The following BMF variants were observed in gnomAD, a reference collection of about 807,000 sequenced individuals.
The protein encoded by BMF is Bcl2 modifying factor.
Under a neutral mutation model 22.0 loss-of-function variants are expected in BMF, and 10 were observed. The ratio of observed to expected loss-of-function variants is 0.45; its 90% confidence interval spans 0.28 to 0.77. The LOEUF (loss-of-function observed/expected upper bound fraction) is 0.77, where lower values mean the gene tolerates loss of function less well. BMF is among the 30% of genes least tolerant of loss of function. BMF has a pLI of 0.13. For missense variants in BMF, 206 were observed against 226.8 expected, an observed-to-expected ratio of 0.91 and a Z score of 0.59; for synonymous variants, 87 against 88.1, an observed-to-expected ratio of 0.99 and a Z score of 0.07.
Position 40,091,004 on chromosome 15 carries a change from C to A in BMF, c.*783G>T, listed in dbSNP as rs1164153175. 9 of 152,686 alleles carry A rather than the reference C, an allele frequency of 5.9e-5. No homozygotes were observed. The allele number at this position is 152,686 out of a possible 1,614,324, so 9.5% of individuals were successfully genotyped here. On this transcript the variant is annotated 3_prime_UTR_variant, in exon 5 of 5. Transcript: ENST00000354670. Reference sequence around the variant, plus strand: ...CGGCTCATCCGTGGCTGACACCCAGCTGGTCCCAGGCCGCCAGTGGTGGCA... The same window carrying A: ...CGGCTCATCCGTGGCTGACACCCAGATGGTCCCAGGCCGCCAGTGGTGGCA...
chr15:40,101,402 G>C (rs947287844), intron 4 of BMF, among the ~76,000 whole-genome samples: 30 of 152,224 alleles, frequency 2.0e-4, no homozygotes, highest in African/African-American at 7.2e-4. Context: ...GTGAAGTCAA[G>C]TGACTTCCTG....
chr15:40,091,408 T>A lies in BMF; in HGVS notation c.*379A>T, dbSNP rs2036227940. 1 of 169,890 alleles carries A rather than the reference T, an allele frequency of 5.9e-6. No individual in the cohort carries two copies. The highest frequency in any genetic ancestry group is 1.7e-4 in the South Asian group (1 of 6,048). The allele number at this position is 169,890 out of a possible 1,614,324, so 10.5% of individuals were successfully genotyped here. ...ACTGGGAGTCTAATCCACTCTCGAT[T>A]TCTTAACTGAGTTCCTCTGGAAAAA... is the stretch of plus-strand genomic sequence containing the variant. On this transcript the variant is annotated 3_prime_UTR_variant, in exon 5 of 5. Coordinates refer to ENST00000354670, the MANE Select transcript of BMF (RefSeq NM_001003940.2).
At chr15:40,092,792 G>C (rs1040916388) in intron 4 of BMF, among the ~76,000 whole-genome samples, 4 of 152,164 alleles carry the variant, frequency 2.6e-5, no homozygotes, top group South Asian at 2.1e-4. Context: ...GCCTGGGGGG[G>C]TGGAAACTGG....
chr15:40,100,991 G>T (rs1468155489), intron 4 of BMF, among the ~76,000 whole-genome samples: 1 of 152,160 alleles, frequency 6.6e-6, no homozygotes, highest in African/African-American at 2.4e-5. Flanking sequence ...TGACGGTCAG[G>T]CCTCCTCAAG....
intron 4 of BMF, among the ~76,000 whole-genome samples, chr15:40,100,809 G>A (rs1269256578): frequency 1.3e-5 from 2 of 152,150 alleles, no homozygotes; most frequent in Non-Finnish European, 2.9e-5. Flanking sequence ...GCATCAGCAC[G>A]CCCCCTCCCT....
chr15:40,097,173 ACCCAAC>A (rs2036379609), intron 4 of BMF, among the ~76,000 whole-genome samples: 1 of 590 alleles, frequency 1.7e-3, no homozygotes, highest in South Asian at 0.062. Flanking sequence ...GCTATCAAGC[ACCCAAC>A]TGAGCTACCA....
At chr15:40,101,275 C>G (rs1426676285) in intron 4 of BMF, among the ~76,000 whole-genome samples, 1 of 152,184 alleles carries the variant, frequency 6.6e-6, no homozygotes, top group African/African-American at 2.4e-5. Flanking sequence ...AAGAAGGAAA[C>G]AGGCATTAAA....
chr15:40,106,652 C>T lies in BMF; in HGVS notation c.-5-561G>A, dbSNP rs982761994. 5.2e-5 allele frequency: 8 copies of T among 152,482 alleles called. No homozygotes were observed. Among genetic ancestry groups the T allele is most frequent in the Admixed American group, 5.2e-4 (8 of 15,282 alleles). The allele number at this position is 152,482 out of a possible 1,614,324, so 9.4% of individuals were successfully genotyped here. A position where few individuals can be genotyped will look rare whatever the true frequency, so the allele number is the denominator to read the frequency against. ...CCAGCAATCCTAGGACAGCCAGGTT[C>T]CCTCCAAACCTCTAAGCCCCGCCCT... On this transcript the variant is annotated intron_variant, in intron 2 of 4. Coordinates refer to ENST00000354670, the MANE Select transcript of BMF (RefSeq NM_001003940.2). This position sits in a 1 kb window ranked among gnomAD's most constrained non-coding sequence, Gnocchi z 4.1.
intron 4 of BMF, among the ~76,000 whole-genome samples, chr15:40,093,431 G>T (rs1162142643): frequency 6.6e-6 from 1 of 152,206 alleles, no homozygotes; most frequent in Non-Finnish European, 1.5e-5. Flanking sequence ...GGAGATGGAT[G>T]GCTTCCTCGT....
chr15:40,098,629 C>A (rs982583596), intron 4 of BMF, among the ~76,000 whole-genome samples: 2 of 152,194 alleles, frequency 1.3e-5, no homozygotes, highest in African/African-American at 4.8e-5. Context: ...CCTTCACACA[C>A]GGACTGATTG....
rs2036594941 is a variant in BMF at position 40,106,598 on chromosome 15, A to G, written c.-5-507T>C. ...GAAATTCTTATCTCAGTCTGAGCTG[A>G]GCTCCAGGCTCAGCAGCAAAAACAA... On this transcript the variant is annotated intron_variant, in intron 2 of 4. Coordinates refer to ENST00000354670, the MANE Select transcript of BMF (RefSeq NM_001003940.2). This position sits in a 1 kb window ranked among gnomAD's most constrained non-coding sequence, Gnocchi z 4.1. 1 of 151,050 alleles carries G rather than the reference A, an allele frequency of 6.6e-6. No individual in the cohort carries two copies. The highest frequency in any genetic ancestry group is 2.4e-5 in the African/African-American group (1 of 40,894). 9.4% of individuals were successfully genotyped at this position (151,050 alleles called of 1,614,324 possible).
Position 40,106,303 on chromosome 15 carries a change from A to T in BMF, c.-5-212T>A. 1 of 503,858 alleles carries T rather than the reference A, an allele frequency of 2.0e-6. No individual in the cohort carries two copies. The highest frequency in any genetic ancestry group is 4.0e-5 in the Admixed American group (1 of 25,044). The allele number at this position is 503,858 out of a possible 1,614,324, so 31.2% of individuals were successfully genotyped here. A position where few individuals can be genotyped will look rare whatever the true frequency, so the allele number is the denominator to read the frequency against. Reference sequence around the variant, plus strand: ...GCCTGAATGTTCAGGGGCTCTCCACACCTCTTCCCTGGGCCCGCCTGGAAC... The same window carrying T: ...GCCTGAATGTTCAGGGGCTCTCCACTCCTCTTCCCTGGGCCCGCCTGGAAC... On this transcript the variant is annotated intron_variant, in intron 2 of 4. Coordinates refer to ENST00000354670, the MANE Select transcript of BMF (RefSeq NM_001003940.2). This position sits in a 1 kb window ranked among gnomAD's most constrained non-coding sequence, Gnocchi z 4.1.
At chr15:40,095,758 G>C (rs2036345839) in intron 4 of BMF, among the ~76,000 whole-genome samples, 1 of 152,166 alleles carries the variant, frequency 6.6e-6, no homozygotes, top group African/African-American at 2.4e-5. Flanking sequence ...ATGCCCCCAG[G>C]GAAGGTGCCC....
intron 3 of BMF, among the ~76,000 whole-genome samples, chr15:40,104,642 T>C (rs2036547718): frequency 1.3e-5 from 2 of 152,350 alleles, no homozygotes; most frequent in Non-Finnish European, 2.9e-5. Flanking sequence ...TCCGTCCTTA[T>C]TTATCAAGCT....
intron 4 of BMF, among the ~76,000 whole-genome samples, chr15:40,101,091 A>G (rs1161032515): frequency 6.6e-6 from 1 of 152,178 alleles, no homozygotes; most frequent in Admixed American, 6.5e-5. Context: ...AGAGAAATCG[A>G]TAAGGCCAAG....
intron 4 of BMF, among the ~76,000 whole-genome samples, chr15:40,096,554 G>A (rs1595476700): frequency 1.3e-5 from 2 of 152,242 alleles, no homozygotes; most frequent in Admixed American, 1.3e-4. Context: ...GATAGGAAGA[G>A]CAGGTATTAA....
intron 2 of BMF, among the ~76,000 whole-genome samples, chr15:40,107,511 G>A (rs574341851): frequency 2.0e-5 from 3 of 149,698 alleles, no homozygotes; most frequent in Non-Finnish European, 4.4e-5. Context: ...GCCACGTGGT[G>A]TTCTTTGGAC....
rs148420422 is a variant in BMF, at chr15:40,106,037, G to A, written c.50C>T (p.Pro17Leu). 885 of 1,613,342 alleles carry A rather than the reference G, an allele frequency of 5.5e-4. No homozygotes were observed. Among genetic ancestry groups the A allele is most frequent in the Non-Finnish European group, 6.8e-4 (802 of 1,179,922 alleles). ...TTGGGTCACCGGCTCCCCATCCTCT[G>A]GTTGGAACACATCATCCTCCAGCTC... ...VEELEDDVFQ[P>L]EDGEPVTQPG... The change falls in exon 3 of 5, where the codon CCA becomes CTA. Residue 17 changes from proline (P) to leucine (L), a missense_variant. By Grantham distance (98) the Pro-to-Leu change is moderately conservative (BLOSUM62 -3). Coordinates refer to ENST00000354670, the MANE Select transcript of BMF (RefSeq NM_001003940.2). The surrounding 1 kb of genome is among the most constrained non-coding windows in gnomAD (Gnocchi z 4.1).
At chr15:40,092,531 T>C (rs2036261442) in intron 4 of BMF, among the ~76,000 whole-genome samples, 1 of 152,176 alleles carries the variant, frequency 6.6e-6, no homozygotes, top group Non-Finnish European at 1.5e-5. Context: ...GTGCTGCCCT[T>C]TTTATAGATG....
Sources: gnomAD v4.1 joint callset for allele counts (sites outside exome capture counted in the v4.1 genomes callset) on GRCh38, gnomAD v4.1.1 for gene constraint, Gnocchi (gnomAD v3.1) non-coding constraint, MANE v1.5 for transcripts, NCBI Gene and HGNC (gene_info 2026-07-23, HGNC 2026-07-21) for gene names.